The following PALLD variants were observed in gnomAD, a reference collection of about 807,000 sequenced individuals.
The protein encoded by PALLD is palladin, cytoskeletal associated protein.
A neutral mutation model predicts 123.5 loss-of-function variants in PALLD; 61 were observed. That is an observed-to-expected ratio of 0.49 (90% CI 0.40 to 0.61). The LOEUF is 0.61. PALLD is among the 20% of genes least tolerant of loss of function. The pLI, the probability that PALLD is intolerant of heterozygous loss-of-function variation, is 0.00. For missense variants in PALLD, 1,273 were observed against 1,377.0 expected (o/e 0.92, Z 1.20); for synonymous variants, 465 against 496.4 (o/e 0.94, Z 0.84).
intron 2 of PALLD, chr4:168,598,243 G>C: frequency 2.5e-6 from 1 of 392,766 alleles, no homozygotes; most frequent in South Asian, 2.3e-5. Context: ...AAAAAATTTA[G>C]TTAGCTTCAT....
chr4:168,639,996 A>G (rs1776780848), intron 2 of PALLD, among the ~76,000 whole-genome samples: 1 of 152,180 alleles, frequency 6.6e-6, no homozygotes, highest in South Asian at 2.1e-4. Context: ...GTTGAACTAT[A>G]TCCAAGTGCT....
intron 2 of PALLD, among the ~76,000 whole-genome samples, chr4:168,599,954 G>A (rs574855568): frequency 6.6e-6 from 1 of 151,352 alleles, no homozygotes; most frequent in African/African-American, 2.4e-5. Context: ...TTTCAAATAT[G>A]TGTGTATTGT....
At chr4:168,525,158 C>T (rs1763923936) in intron 2 of PALLD, among the ~76,000 whole-genome samples, 1 of 152,114 alleles carries the variant, frequency 6.6e-6, no homozygotes, top group African/African-American at 2.4e-5. Context: ...CACACTGCTG[C>T]CTAAAATCGA....
rs750792344 is a variant in PALLD, at chr4:168,668,199, T to C, written c.918T>C (p.Cys306=). 1.9e-6 allele frequency: 3 copies of C among 1,613,814 alleles called. No homozygotes were observed. The highest frequency in any genetic ancestry group is 3.3e-5 in the Admixed American group (2 of 60,012). Residue 306 remains cysteine (C), a synonymous_variant, in exon 3 of 22, where the codon TGT becomes TGC. Coordinates refer to ENST00000505667, the MANE Select transcript of PALLD (RefSeq NM_001166108.2). The part of the protein sequence containing the change: ...GNPTPRVRWF[C]EGKELHNTPD... ...TCCATTTGGCCTGCAGATGGTTCTG[T>C]GAAGGGAAAGAACTGCACAACACTC... is the stretch of plus-strand genomic sequence containing the variant.
intron 2 of PALLD, among the ~76,000 whole-genome samples, chr4:168,565,607 G>A (rs1462212576): frequency 1.3e-5 from 2 of 152,016 alleles, no homozygotes; most frequent in Admixed American, 1.3e-4. Flanking sequence ...GTCATCTGGA[G>A]GTCAAGGGAA....
chr4:168,877,368 G>A (rs1401809976), intron 10 of PALLD, among the ~76,000 whole-genome samples: 4 of 152,008 alleles, frequency 2.6e-5, no homozygotes, highest in South Asian at 4.1e-4. Flanking sequence ...ACGAATGAGA[G>A]GACTGAGAAT....
At chr4:168,604,786 T>C (rs909154728) in intron 2 of PALLD, among the ~76,000 whole-genome samples, 20 of 152,152 alleles carry the variant, frequency 1.3e-4, no homozygotes, top group Admixed American at 9.8e-4. Context: ...ACAGACCTAA[T>C]GAGCTTCTGA....
chr4:168,809,396 G>A (rs1458985247), intron 10 of PALLD, among the ~76,000 whole-genome samples: 1 of 151,946 alleles, frequency 6.6e-6, no homozygotes, highest in Non-Finnish European at 1.5e-5. Flanking sequence ...GAGGGCAATG[G>A]TTGGAAAGAT....
chr4:168,870,436 C>G (rs1345867842), intron 10 of PALLD, among the ~76,000 whole-genome samples: 1 of 152,126 alleles, frequency 6.6e-6, no homozygotes, highest in Admixed American at 6.6e-5. Flanking sequence ...TAAGATTTAC[C>G]ATGGAATTGT....
intron 2 of PALLD, among the ~76,000 whole-genome samples, chr4:168,513,716 G>T (rs2149433704): frequency 6.6e-6 from 1 of 152,230 alleles, no homozygotes; most frequent in East Asian, 1.9e-4. Context: ...AACAAGTCAG[G>T]ATTATACTAC....
intron 2 of PALLD, among the ~76,000 whole-genome samples, chr4:168,613,874 A>G (rs1773969314): frequency 1.3e-5 from 2 of 152,218 alleles, no homozygotes. Context: ...CATAAATAAT[A>G]CATAGATCCT....
rs754795126 is a variant in PALLD, at chr4:168,894,587, A to G, written c.2109A>G (p.Thr703=). The G allele has an allele frequency of 1.2e-6, 2 of 1,611,206 alleles. No individual in the cohort carries two copies. Residue 703 remains threonine (T), a synonymous_variant, in exon 12 of 22, where the codon ACA becomes ACG. Coordinates refer to ENST00000505667, the MANE Select transcript of PALLD (RefSeq NM_001166108.2). ...DLLNNGQPRL[T]YEERMARRLL... ...TGACTTACGTTGTTTAGAGGTTAAC[A>G]TACGAAGAAAGAATGGCTCGTCGAC...
At chr4:168,795,791 T>G (rs1738409606) in intron 10 of PALLD, among the ~76,000 whole-genome samples, 1 of 151,432 alleles carries the variant, frequency 6.6e-6, no homozygotes. Context: ...CACTGCCACC[T>G]CACATTTCTG....
intron 2 of PALLD, among the ~76,000 whole-genome samples, chr4:168,657,275 ATGTTTAACTT>A (rs1778675617): frequency 2.0e-5 from 3 of 152,216 alleles, no homozygotes. Flanking sequence ...TTTCTGACAG[ATGTTTAACTT>A]TGTTTAACCC....
intron 10 of PALLD, among the ~76,000 whole-genome samples, chr4:168,782,839 T>C (rs913139589): frequency 1.3e-5 from 2 of 152,010 alleles, no homozygotes; most frequent in Non-Finnish European, 2.9e-5. Context: ...CGCTTGAACC[T>C]GGGAGGTGGA....
At chr4:168,544,315 T>G (rs1404227541) in intron 2 of PALLD, among the ~76,000 whole-genome samples, 1 of 152,260 alleles carries the variant, frequency 6.6e-6, no homozygotes, top group Non-Finnish European at 1.5e-5. Flanking sequence ...ACCTATTATA[T>G]GCCTGGCATA....
chr4:168,681,446 C>A, intron 4 of PALLD, 48 bp downstream of exon 4: 1 of 1,202,762 alleles, frequency 8.3e-7, no homozygotes, highest in Non-Finnish European at 1.2e-6. Flanking sequence ...AGAATGGCAA[C>A]AGAATGGTTG....
At chr4:168,849,311 T>G (rs949037710) in intron 10 of PALLD, among the ~76,000 whole-genome samples, 1 of 152,228 alleles carries the variant, frequency 6.6e-6, no homozygotes, top group African/African-American at 2.4e-5. Flanking sequence ...GTTGTTTGGA[T>G]GTTTTGTTGT....
chr4:168,737,196 C>G (rs1787846023), intron 10 of PALLD, among the ~76,000 whole-genome samples: 2 of 152,300 alleles, frequency 1.3e-5, no homozygotes, highest in Non-Finnish European at 2.9e-5. Flanking sequence ...GCACGTTTAT[C>G]AAGTCTTCAA....
Sources: gnomAD v4.1 joint callset for allele counts (sites outside exome capture counted in the v4.1 genomes callset) on GRCh38, gnomAD v4.1.1 for gene constraint, MANE v1.5 for transcripts, NCBI Gene and HGNC (gene_info 2026-07-23, HGNC 2026-07-21) for gene names.